SOD2: variants seen among roughly 807,000 people sequenced by gnomAD.
SOD2 encodes the protein superoxide dismutase [Mn], mitochondrial.
Under a neutral mutation model 27.0 loss-of-function variants are expected in SOD2, and 11 were observed. That is an observed-to-expected ratio of 0.41 (90% CI 0.26 to 0.67). The LOEUF (loss-of-function observed/expected upper bound fraction) is 0.67. SOD2 is among the 30% of genes least tolerant of loss of function. The pLI is 0.34. For missense variants in SOD2, 250 were observed against 274.5 expected (o/e 0.91, Z 0.63); for synonymous variants, 105 against 103.0 (o/e 1.02, Z -0.12).
upstream of SOD2, among the ~76,000 whole-genome samples, chr6:159,729,606 C>T (rs750951667): frequency 4.6e-5 from 7 of 152,102 alleles, no homozygotes; most frequent in Non-Finnish European, 8.8e-5. Flanking sequence ...GTGCTGAAAG[C>T]ATTAATATTT....
chr6:159,752,378 T>G (rs1356369856), intron 1 of SOD2, among the ~76,000 whole-genome samples: 1 of 152,192 alleles, frequency 6.6e-6, no homozygotes, highest in Non-Finnish European at 1.5e-5. Flanking sequence ...CATAAATAAT[T>G]ACAAGAACAA....
chr6:159,750,545 C>T (rs569409490), intron 1 of SOD2, among the ~76,000 whole-genome samples: 125 of 152,158 alleles, frequency 8.2e-4, no homozygotes, highest in Non-Finnish European at 1.4e-3. Context: ...AAGATAATTT[C>T]TATGCATATA....
chr6:159,682,749 A>C, intron 4 of SOD2, 111 bp from the exon 5 acceptor site: 2 of 992,174 alleles, frequency 2.0e-6, no homozygotes, highest in Non-Finnish European at 2.8e-6. Flanking sequence ...CCTTTGTAAC[A>C]ATCTCATTCA....
chr6:159,740,949 G>A (rs1017714017), intron 1 of SOD2, among the ~76,000 whole-genome samples: 6 of 151,938 alleles, frequency 3.9e-5, no homozygotes, highest in African/African-American at 1.2e-4. Flanking sequence ...TGATCTGCCC[G>A]CCTCGGCCTC....
intron 1 of SOD2, chr6:159,736,390 C>T (rs1043487059): frequency 1.0e-5 from 10 of 974,904 alleles, no homozygotes; most frequent in African/African-American, 3.3e-5. Context: ...AAGGGATTAT[C>T]GTTGTTTGCT....
At chr6:159,724,612 C>T (rs560402116) in intron 1 of SOD2, among the ~76,000 whole-genome samples, 1 of 152,156 alleles carries the variant, frequency 6.6e-6, no homozygotes, top group South Asian at 2.1e-4. Context: ...ATAATCCCAG[C>T]ATTTTGGGAG....
chr6:159,692,908 C>CA (rs1163362420), intron 1 of SOD2, 45 bp from the exon 2 acceptor site: 1 of 1,499,438 alleles, frequency 6.7e-7, no homozygotes, highest in Admixed American at 2.1e-5. Context: ...GCCGCGGGAC[C>CA]GTCTACGCAG....
intron 2 of SOD2, among the ~76,000 whole-genome samples, chr6:159,690,109 C>A (rs1460116780): frequency 6.6e-6 from 1 of 150,440 alleles, no homozygotes; most frequent in African/African-American, 2.4e-5. Context: ...CATGGAAAAA[C>A]CCTGTCTCTA....
chr6:159,720,729 T>C (rs1778019404), intron 1 of SOD2, among the ~76,000 whole-genome samples: 2 of 152,298 alleles, frequency 1.3e-5, no homozygotes, highest in Non-Finnish European at 2.9e-5. Flanking sequence ...ATGACAACCC[T>C]TTCTCTTGTA....
intron 1 of SOD2, among the ~76,000 whole-genome samples, chr6:159,705,749 T>A (rs1397043823): frequency 8.5e-5 from 13 of 152,092 alleles, no homozygotes; most frequent in African/African-American, 2.4e-5. Flanking sequence ...AACATTCAAA[T>A]TCAGGAAATA....
chr6:159,721,667 C>T (rs375702297), intron 1 of SOD2, among the ~76,000 whole-genome samples: 25 of 136,836 alleles, frequency 1.8e-4, no homozygotes, highest in African/African-American at 6.2e-4. Context: ...TGAGCCACTG[C>T]GGCTGACCTT....
rs750716723 is a variant in SOD2 at position 159,727,254 on chromosome 6, C to T, written c.-241G>A. 7.0e-6 allele frequency: 9 copies of T among 1,283,046 alleles called. No homozygotes were observed. In the South Asian group the frequency reaches 9.9e-5, roughly 14 times the overall value. 79.5% of individuals were successfully genotyped at this position (1,283,046 alleles called of 1,614,324 possible). ...CCCGATCGGGCTAGGCCGACGGCCT[C>T]CCTCCCTTCACCTTTCCTCTCCTGG... On this transcript the variant is annotated 5_prime_UTR_variant, in exon 1 of 3. Transcript: ENST00000401980.
chr6:159,755,765 C>CTTTGTTTTTTTTTTTTTTTTTT (rs1779987903), intron 1 of SOD2: 1 of 160,626 alleles, frequency 6.2e-6, no homozygotes, highest in African/African-American at 9.0e-5. Context: ...TTTTTCTTTT[C>CTTTGTTTTTTTTTTTTTTTTTT]TTTTTTTTTT....
chr6:159,727,838 T>C (rs904566165), upstream of SOD2: 2 of 601,566 alleles, frequency 3.3e-6, no homozygotes, highest in Non-Finnish European at 4.2e-6. Flanking sequence ...CACCGGTCTC[T>C]CGTGAGCCGC....
chr6:159,713,916 C>T, intron 1 of SOD2: 1 of 912,708 alleles, frequency 1.1e-6, no homozygotes, highest in Non-Finnish European at 1.8e-6. Flanking sequence ...ATCACTTCAT[C>T]AGCTGAGCAG....
intron 3 of SOD2, among the ~76,000 whole-genome samples, chr6:159,686,266 C>T (rs200511995): frequency 7.9e-5 from 12 of 152,292 alleles, no homozygotes; most frequent in East Asian, 3.9e-4. Flanking sequence ...ACCAAAACCA[C>T]TGGTTGCATA....
chr6:159,719,941 CT>C (rs1279360562), intron 1 of SOD2, among the ~76,000 whole-genome samples: 1 of 151,378 alleles, frequency 6.6e-6, no homozygotes, highest in Admixed American at 6.6e-5. Flanking sequence ...CTAGGCTGGT[CT>C]CGAACTCCCG....
chr6:159,688,453 G>A, intron 2 of SOD2: 1 of 484,794 alleles, frequency 2.1e-6, no homozygotes, highest in Non-Finnish European at 3.7e-6. Context: ...AGGTGGAAAA[G>A]CTAGAAAATT....
upstream of SOD2, among the ~76,000 whole-genome samples, chr6:159,732,046 C>T (rs1180552982): frequency 6.6e-6 from 1 of 152,102 alleles, no homozygotes; most frequent in Non-Finnish European, 1.5e-5. Flanking sequence ...TTGCCAAAAT[C>T]CTGGCATAGG....
Sources: gnomAD v4.1 joint callset for allele counts (sites outside exome capture counted in the v4.1 genomes callset) on GRCh38, gnomAD v4.1.1 for gene constraint, MANE v1.5 for transcripts, NCBI Gene and HGNC (gene_info 2026-07-23, HGNC 2026-07-21) for gene names.